ST6GALNAC3: variants seen among roughly 807,000 people sequenced by gnomAD.
ST6GALNAC3 encodes ST6 N-acetylgalactosaminide alpha-2,6-sialyltransferase 3, also known as alpha-N-acetylgalactosaminide alpha-2,6-sialyltransferase 3.
A neutral mutation model predicts 32.7 loss-of-function variants in ST6GALNAC3; 25 were observed. The observed-to-expected ratio is 0.76, with a 90% confidence interval of 0.56 to 1.07. The LOEUF (loss-of-function observed/expected upper bound fraction) is 1.07, where lower values mean the gene tolerates loss of function less well. ST6GALNAC3 is among the 50% of genes least tolerant of loss of function. The pLI, the probability that ST6GALNAC3 is intolerant of heterozygous loss-of-function variation, is 0.00. For missense variants in ST6GALNAC3, 355 were observed against 382.4 expected (o/e 0.93, Z 0.60); for synonymous variants, 129 against 133.1 (o/e 0.97, Z 0.21).
At chr1:76,498,430 G>T (rs1660987878) in intron 3 of ST6GALNAC3, among the ~76,000 whole-genome samples, 1 of 152,136 alleles carries the variant, frequency 6.6e-6, no homozygotes, top group Non-Finnish European at 1.5e-5. Context: ...AAATGTGAGG[G>T]TCATTCAGGT....
intron 1 of ST6GALNAC3, among the ~76,000 whole-genome samples, chr1:76,117,974 TC>T (rs1451987596): frequency 6.6e-6 from 1 of 152,204 alleles, no homozygotes; most frequent in East Asian, 1.9e-4. Context: ...CACAGTAAGT[TC>T]TTTTTTTTAT....
chr1:76,541,793 C>A (rs558602218), intron 3 of ST6GALNAC3, among the ~76,000 whole-genome samples: 1 of 152,228 alleles, frequency 6.6e-6, no homozygotes, highest in South Asian at 2.1e-4. Flanking sequence ...CTGAGGTGTC[C>A]CCATCATCTC....
At chr1:76,601,968 C>T (rs553172350) in intron 3 of ST6GALNAC3, among the ~76,000 whole-genome samples, 19 of 152,184 alleles carry the variant, frequency 1.2e-4, no homozygotes, top group African/African-American at 4.1e-4. Context: ...TGAATGAAAA[C>T]GTAGCAAATG....
chr1:76,332,587 G>A (rs936961279), intron 2 of ST6GALNAC3, among the ~76,000 whole-genome samples: 1 of 152,206 alleles, frequency 6.6e-6, no homozygotes, highest in South Asian at 2.1e-4. Context: ...AGGGTTTCAG[G>A]TCTAATGGCA....
At chr1:76,433,022 CTCTG>C (rs1168640422) in intron 3 of ST6GALNAC3, among the ~76,000 whole-genome samples, 4 of 152,108 alleles carry the variant, frequency 2.6e-5, no homozygotes, top group African/African-American at 9.7e-5. Context: ...CCCTCTTGTG[CTCTG>C]TCTTTTCTCT....
chr1:76,180,508 G>C (rs1243173514), intron 1 of ST6GALNAC3, among the ~76,000 whole-genome samples: 1 of 152,128 alleles, frequency 6.6e-6, no homozygotes, highest in Admixed American at 6.5e-5. Flanking sequence ...AGTGAGAACA[G>C]ACATTCCTGT....
intron 1 of ST6GALNAC3, among the ~76,000 whole-genome samples, chr1:76,096,749 C>T (rs962871852): frequency 2.0e-5 from 3 of 152,018 alleles, no homozygotes; most frequent in Non-Finnish European, 2.9e-5. Context: ...TCCTTCTCCC[C>T]ACTTTCAACC....
chr1:76,490,101 G>A (rs184633450), intron 3 of ST6GALNAC3, among the ~76,000 whole-genome samples: 6 of 152,230 alleles, frequency 3.9e-5, no homozygotes, highest in Middle Eastern at 3.4e-3. Context: ...GGAGTTAGGG[G>A]TCAGTTAGGC....
intron 3 of ST6GALNAC3, among the ~76,000 whole-genome samples, chr1:76,525,767 GTGTT>G (rs1354085208): frequency 9.0e-6 from 1 of 111,728 alleles, no homozygotes; most frequent in African/African-American, 2.9e-5. Context: ...ATGTGTATGT[GTGTT>G]TGTGTGTGTG....
At chr1:76,402,540 G>A (rs1653505199) in intron 2 of ST6GALNAC3, among the ~76,000 whole-genome samples, 2 of 152,064 alleles carry the variant, frequency 1.3e-5, no homozygotes, top group Admixed American at 6.6e-5. Context: ...TCTTGCCTCT[G>A]TGTTCCAGAA....
chr1:76,565,100 G>A (rs997568573), intron 3 of ST6GALNAC3, among the ~76,000 whole-genome samples: 1 of 152,092 alleles, frequency 6.6e-6, no homozygotes, highest in African/African-American at 2.4e-5. Context: ...GGTGTCCAAC[G>A]GGAGGGGCCC....
intron 2 of ST6GALNAC3, among the ~76,000 whole-genome samples, chr1:76,372,450 A>G (rs1650905241): frequency 6.6e-6 from 1 of 151,962 alleles, no homozygotes; most frequent in African/African-American, 2.4e-5. Context: ...AAAAATTCCA[A>G]TTTTGGGTCT....
At chr1:76,132,967 C>T (rs928487064) in intron 1 of ST6GALNAC3, among the ~76,000 whole-genome samples, 2 of 152,112 alleles carry the variant, frequency 1.3e-5, no homozygotes, top group Non-Finnish European at 2.9e-5. Context: ...CCTACAGTAG[C>T]ATACACTGTG....
rs574790182 is a variant in ST6GALNAC3, at chr1:76,266,262, C to T, written c.19-47543C>T. Among the ~76,000 whole-genome samples the T allele has an allele frequency of 2.0e-5, 3 of 152,252 alleles. No homozygotes were observed. The South Asian group carries it at 6.2e-4, about 32-fold the overall frequency. On this transcript the variant is annotated intron_variant, in intron 1 of 4. Transcript: ENST00000328299. ...GAGCACTAAGTGAGTAACTCCTTTTCCTGGGAGCCCAGGGCTCTATTACCC... is the reference window on the plus strand; with the variant it reads ...GAGCACTAAGTGAGTAACTCCTTTTTCTGGGAGCCCAGGGCTCTATTACCC...
chr1:76,161,135 C>G (rs1332060092), intron 1 of ST6GALNAC3, among the ~76,000 whole-genome samples: 2 of 152,182 alleles, frequency 1.3e-5, no homozygotes, highest in Non-Finnish European at 2.9e-5. Flanking sequence ...GCCTTTCAGA[C>G]TTCAGATTCT....
chr1:76,484,512 G>C (rs1487608682), intron 3 of ST6GALNAC3, among the ~76,000 whole-genome samples: 10 of 149,788 alleles, frequency 6.7e-5, no homozygotes, highest in South Asian at 2.1e-4. Flanking sequence ...CTCATGATTT[G>C]GCTCTCTGTT....
chr1:76,276,513 C>G (rs866340665), intron 1 of ST6GALNAC3, among the ~76,000 whole-genome samples: 1 of 152,006 alleles, frequency 6.6e-6, no homozygotes, highest in African/African-American at 2.4e-5. Flanking sequence ...TTAATTTGTA[C>G]TGTGATATAG....
At chr1:76,374,559 T>C (rs1651072946) in intron 2 of ST6GALNAC3, among the ~76,000 whole-genome samples, 1 of 152,208 alleles carries the variant, frequency 6.6e-6, no homozygotes, top group Non-Finnish European at 1.5e-5. Context: ...CATGAACATA[T>C]CGTAGATTCT....
intron 3 of ST6GALNAC3, among the ~76,000 whole-genome samples, chr1:76,451,872 G>C (rs1399699579): frequency 1.3e-5 from 2 of 152,174 alleles, no homozygotes; most frequent in African/African-American, 4.8e-5. Flanking sequence ...AACAGTGACA[G>C]TTTGACTTCC....
Sources: gnomAD v4.1 joint callset for allele counts (sites outside exome capture counted in the v4.1 genomes callset) on GRCh38, gnomAD v4.1.1 for gene constraint, MANE v1.5 for transcripts, NCBI Gene and HGNC (gene_info 2026-07-23, HGNC 2026-07-21) for gene names.